DACH2: variants seen among roughly 807,000 people sequenced by gnomAD.
DACH2 encodes dachshund family transcription factor 2, also known as dachshund homolog 2.
Under a neutral mutation model 35.8 loss-of-function variants are expected in DACH2, and 17 were observed. The ratio of observed to expected loss-of-function variants is 0.48; its 90% CI spans 0.33 to 0.71. The LOEUF is 0.71. Among genes scored for constraint, DACH2 ranks in the 30% least tolerant of loss-of-function variants. DACH2 has a pLI of 0.02. For missense variants in DACH2, 469 were observed against 472.7 expected (o/e 0.99, Z 0.07); for synonymous variants, 195 against 177.3 (o/e 1.10, Z -0.79).
intron 1 of DACH2, among the ~76,000 whole-genome samples, chrX:86,213,826 A>G (rs1372902731): frequency 9.0e-6 from 1 of 110,918 alleles, no homozygotes; most frequent in African/African-American, 3.3e-5. Flanking sequence ...TGTCTACTTC[A>G]TGTATCCCAA....
intron 2 of DACH2, among the ~76,000 whole-genome samples, chrX:86,466,449 A>G (rs1450172897): frequency 9.1e-6 from 1 of 110,342 alleles, no homozygotes; most frequent in Non-Finnish European, 1.9e-5. Flanking sequence ...GCCAAACCAT[A>G]TCATTCTGCC....
intron 2 of DACH2, among the ~76,000 whole-genome samples, chrX:86,494,619 A>T (rs776320176): frequency 8.9e-6 from 1 of 112,615 alleles, no homozygotes; most frequent in Non-Finnish European, 1.9e-5. Flanking sequence ...TGAACCTTGA[A>T]ATCTCATCAA....
chrX:86,807,677 T>C (rs2042357828), intron 7 of DACH2, among the ~76,000 whole-genome samples: 1 of 112,243 alleles, frequency 8.9e-6, no homozygotes, highest in African/African-American at 3.2e-5. Flanking sequence ...TGAGATGTTC[T>C]GCTCTAAAAG....
intron 1 of DACH2, among the ~76,000 whole-genome samples, chrX:86,193,983 C>A (rs1362422614): frequency 9.1e-6 from 1 of 110,137 alleles, no homozygotes; most frequent in African/African-American, 3.3e-5. Context: ...TAATTATTCA[C>A]GTCAACTCTG....
intron 7 of DACH2, chrX:86,799,151 G>T: frequency 3.2e-6 from 1 of 311,531 alleles, no homozygotes; most frequent in Non-Finnish European, 6.1e-6. Context: ...CCAAGACCCT[G>T]GAACTCTTGG....
At chrX:86,550,233 T>C (rs993924252) in intron 3 of DACH2, among the ~76,000 whole-genome samples, 4 of 111,657 alleles carry the variant, frequency 3.6e-5, no homozygotes, top group African/African-American at 1.3e-4. Flanking sequence ...TTCAAGCCAA[T>C]AAAGAAAGAA....
In DACH2 at chrX:86,273,136, C is replaced by A. The variant is rs1036624830; in HGVS notation, c.489-103688C>A. On this transcript the variant is annotated intron_variant, in intron 1 of 11. Transcript: ENST00000373125. Reference sequence around the variant, plus strand: ...TCATGTTTCTATTTCCATTCATAGACCTTTTTGTAGTTCCCCAGTTTTCTA... The same window carrying A: ...TCATGTTTCTATTTCCATTCATAGAACTTTTTGTAGTTCCCCAGTTTTCTA... 5.4e-5 allele frequency among the ~76,000 whole-genome samples: 6 copies of A among 111,719 alleles called. No homozygotes were observed. In the Admixed American group the frequency reaches 5.7e-4, roughly 11 times the overall value.
rs1319406650 is a variant in DACH2, at chrX:86,581,113, A to G, written c.640+66722A>G. 3.6e-5 allele frequency among the ~76,000 whole-genome samples: 4 copies of G among 111,574 alleles called. 1 individual carries two copies. The Admixed American group carries it at 3.8e-4, about 11-fold the overall frequency. ...ATTCTTAAGGAAAATAAATTCCAAC[A>G]AAGGATTTCATTTCTGGCCAAACTA... On this transcript the variant is annotated intron_variant, in intron 3 of 11. Coordinates refer to ENST00000373125, the MANE Select transcript of DACH2 (RefSeq NM_053281.3).
intron 1 of DACH2, among the ~76,000 whole-genome samples, chrX:86,350,011 T>G (rs778923404): frequency 9.0e-6 from 1 of 110,769 alleles, no homozygotes; most frequent in Non-Finnish European, 1.9e-5. Flanking sequence ...CTACTAAAAA[T>G]ACAAAAATTA....
chrX:86,290,775 G>C (rs746371402), intron 1 of DACH2, among the ~76,000 whole-genome samples: 85 of 95,490 alleles, frequency 8.9e-4, no homozygotes, highest in African/African-American at 2.8e-3. Context: ...CTGTTCCATT[G>C]ATCTATATCT....
At chrX:86,546,406 T>TTCTTCTTCTTCTTCCG (rs2038967707) in intron 3 of DACH2, among the ~76,000 whole-genome samples, 1 of 91,685 alleles carries the variant, frequency 1.1e-5, no homozygotes, top group Non-Finnish European at 2.1e-5. Context: ...TTCTTCTTCC[T>TTCTTCTTCTTCTTCCG]TCTTCTTCTT....
chrX:86,531,245 C>T (rs1446028590), intron 3 of DACH2, among the ~76,000 whole-genome samples: 1 of 111,939 alleles, frequency 8.9e-6, no homozygotes, highest in Admixed American at 9.5e-5. Context: ...AAATTCAAAT[C>T]GGCTACAGAA....
At chrX:86,626,517 T>C (rs1385421223) in intron 3 of DACH2, among the ~76,000 whole-genome samples, 2 of 112,788 alleles carry the variant, frequency 1.8e-5, no homozygotes, top group African/African-American at 6.4e-5. Context: ...GGACTCTGTG[T>C]GGGGGATCCC....
intron 2 of DACH2, among the ~76,000 whole-genome samples, chrX:86,505,253 A>G (rs2038306507): frequency 8.9e-6 from 1 of 112,156 alleles, no homozygotes; most frequent in Non-Finnish European, 1.9e-5. Context: ...ATACTGTCTT[A>G]TAATTGTATA....
intron 7 of DACH2, among the ~76,000 whole-genome samples, chrX:86,794,593 T>C (rs2042217426): frequency 1.8e-5 from 2 of 111,179 alleles, no homozygotes; most frequent in Non-Finnish European, 3.8e-5. Flanking sequence ...ATGCAACCCC[T>C]ATATGCTTCA....
intron 1 of DACH2, among the ~76,000 whole-genome samples, chrX:86,221,660 A>G (rs747505281): frequency 1.7e-3 from 189 of 112,145 alleles, no homozygotes; most frequent in Non-Finnish European, 2.8e-3. Context: ...GATCCCTGCC[A>G]TCCAACAGTT....
intron 7 of DACH2, among the ~76,000 whole-genome samples, chrX:86,751,661 G>A (rs188090053): frequency 9.0e-6 from 1 of 110,802 alleles, no homozygotes; most frequent in African/African-American, 3.3e-5. Flanking sequence ...GTAAATACTG[G>A]TGAAGCACAC....
intron 6 of DACH2, among the ~76,000 whole-genome samples, chrX:86,733,140 A>G (rs1035790231): frequency 8.9e-6 from 1 of 111,817 alleles, no homozygotes; most frequent in East Asian, 2.8e-4. Flanking sequence ...AAACACACAT[A>G]TGCCTTCCTT....
chrX:86,492,290 C>CT (rs2038104681), intron 2 of DACH2, among the ~76,000 whole-genome samples: 1 of 111,315 alleles, frequency 9.0e-6, no homozygotes, highest in South Asian at 3.8e-4. Flanking sequence ...TGGATAAGGT[C>CT]TTGCCAGCTG....
Sources: gnomAD v4.1 joint callset for allele counts (sites outside exome capture counted in the v4.1 genomes callset) on GRCh38, gnomAD v4.1.1 for gene constraint, MANE v1.5 for transcripts, NCBI Gene and HGNC (gene_info 2026-07-23, HGNC 2026-07-21) for gene names.